PABPC4L: variants seen among roughly 807,000 people sequenced by gnomAD.
PABPC4L encodes the protein polyadenylate-binding protein 4-like.
For missense variants in PABPC4L, 452 were observed against 451.4 expected, an observed-to-expected ratio of 1.00 and a Z score of -0.01; for synonymous variants, 169 against 164.1, an observed-to-expected ratio of 1.03 and a Z score of -0.23.
chr4:134,082,972 C>A, the PABPC4L span, among the ~76,000 whole-genome samples: 1 of 152,146 alleles, frequency 6.6e-6, no homozygotes, highest in Admixed American at 6.6e-5. Context: ...ACTGCATGAG[C>A]ACTGGGGTTA....
chr4:134,170,533 CT>C, the PABPC4L span, among the ~76,000 whole-genome samples: 1 of 152,036 alleles, frequency 6.6e-6, no homozygotes, highest in East Asian at 1.9e-4. Context: ...CTGGTGTGAT[CT>C]CAGGAAATTT....
the PABPC4L span, among the ~76,000 whole-genome samples, chr4:134,019,701 T>C: frequency 6.6e-6 from 1 of 152,192 alleles, no homozygotes; most frequent in Non-Finnish European, 1.5e-5. Flanking sequence ...CTGGTTTGTA[T>C]TATGCTAATA....
chr4:134,190,461 T>G, the PABPC4L span, among the ~76,000 whole-genome samples: 1 of 152,046 alleles, frequency 6.6e-6, no homozygotes, highest in African/African-American at 2.4e-5. Flanking sequence ...ATTCTTAATT[T>G]TCTTCTACTT....
chr4:134,106,819 T>C, the PABPC4L span, among the ~76,000 whole-genome samples: 9 of 151,494 alleles, frequency 5.9e-5, no homozygotes, highest in Non-Finnish European at 1.2e-4. Flanking sequence ...GCTTGATTTA[T>C]TGATTTGGGT....
chr4:133,956,481 C>A, the PABPC4L span, among the ~76,000 whole-genome samples: 5 of 152,066 alleles, frequency 3.3e-5, no homozygotes, highest in Admixed American at 3.3e-4. Context: ...GGACAAGTTA[C>A]CCCCAAATAT....
the PABPC4L span, among the ~76,000 whole-genome samples, chr4:134,143,072 C>G: frequency 6.6e-6 from 1 of 151,350 alleles, no homozygotes; most frequent in Non-Finnish European, 1.5e-5. Context: ...TACTACAAAC[C>G]TCCTGGTATT....
At chr4:134,174,288 C>A in the PABPC4L span, among the ~76,000 whole-genome samples, 1 of 151,476 alleles carries the variant, frequency 6.6e-6, no homozygotes, top group Non-Finnish European at 1.5e-5. Context: ...TTACAGTTAC[C>A]TTTAAAAAAA....
chr4:134,136,026 T>C, the PABPC4L span, among the ~76,000 whole-genome samples: 1 of 152,096 alleles, frequency 6.6e-6, no homozygotes, highest in Non-Finnish European at 1.5e-5. Context: ...TCAAAAAGTA[T>C]GAGGATAAAA....
the PABPC4L span, among the ~76,000 whole-genome samples, chr4:134,064,772 C>A: frequency 6.6e-6 from 1 of 151,974 alleles, no homozygotes; most frequent in Non-Finnish European, 1.5e-5. Context: ...CTCTAGTAGG[C>A]CCAGTGTCTG....
chr4:134,024,684 A>G, the PABPC4L span, among the ~76,000 whole-genome samples: 4 of 152,176 alleles, frequency 2.6e-5, no homozygotes, highest in South Asian at 6.2e-4. Flanking sequence ...GGGGGAAACA[A>G]TTCACTTCAT....
chr4:134,111,715 G>T, the PABPC4L span, among the ~76,000 whole-genome samples: 1 of 151,944 alleles, frequency 6.6e-6, no homozygotes, highest in Non-Finnish European at 1.5e-5. Context: ...TTTATCAGGT[G>T]TTTCTACTTT....
At chr4:133,966,026 G>A in the PABPC4L span, among the ~76,000 whole-genome samples, 44,866 of 151,920 alleles carry the variant, frequency 0.3, 9,995 homozygotes, top group African/African-American at 0.59. Flanking sequence ...AGCAGAGGAA[G>A]CAGAAAAACC....
the PABPC4L span, among the ~76,000 whole-genome samples, chr4:134,173,353 G>T: frequency 6.6e-6 from 1 of 151,822 alleles, no homozygotes; most frequent in Non-Finnish European, 1.5e-5. Context: ...TAATAAATGG[G>T]TTTAAAAAGT....
the PABPC4L span, among the ~76,000 whole-genome samples, chr4:134,006,818 G>GAGAAAT: frequency 6.6e-6 from 1 of 151,696 alleles, no homozygotes; most frequent in Non-Finnish European, 1.5e-5. Context: ...AACTCGTATG[G>GAGAAAT]AGAAATTTTA....
chr4:134,163,953 T>C, the PABPC4L span, among the ~76,000 whole-genome samples: 3 of 152,192 alleles, frequency 2.0e-5, no homozygotes, highest in African/African-American at 7.2e-5. Context: ...TGCCCACTTT[T>C]ACCACTTCTG....
chr4:134,080,127 C>G, the PABPC4L span, among the ~76,000 whole-genome samples: 2 of 151,906 alleles, frequency 1.3e-5, no homozygotes, highest in Admixed American at 6.6e-5. Context: ...GTGGTTTAAT[C>G]TAGTATTTCA....
At chr4:134,117,098 A>G in the PABPC4L span, among the ~76,000 whole-genome samples, 1 of 151,508 alleles carries the variant, frequency 6.6e-6, no homozygotes, top group African/African-American at 2.4e-5. Flanking sequence ...AACGTCTAAA[A>G]GAATGTAGCT....
chr4:134,043,924 G>C, the PABPC4L span, among the ~76,000 whole-genome samples: 1 of 151,886 alleles, frequency 6.6e-6, no homozygotes, highest in Non-Finnish European at 1.5e-5. Context: ...GTGTGTGTGT[G>C]TGTGTCGACG....
chr4:134,191,740 G>T (rs532876892), downstream of PABPC4L, among the ~76,000 whole-genome samples: 1 of 152,012 alleles, frequency 6.6e-6, no homozygotes, highest in East Asian at 1.9e-4. Context: ...GTGCTGAAGG[G>T]CATGTATAGC....
Sources: gnomAD v4.1 joint callset for allele counts (sites outside exome capture counted in the v4.1 genomes callset) on GRCh38, gnomAD v4.1.1 for gene constraint, MANE v1.5 for transcripts, NCBI Gene and HGNC (gene_info 2026-07-23, HGNC 2026-07-21) for gene names.